GRHL2: variants seen among roughly 807,000 people sequenced by gnomAD.
The protein encoded by GRHL2 is grainyhead-like protein 2 homolog.
In GRHL2, 21 loss-of-function variants were observed where a neutral mutation model predicts 83.8. The observed-to-expected ratio is 0.25, with a 90% CI of 0.18 to 0.36. The LOEUF (loss-of-function observed/expected upper bound fraction) is 0.36, where lower values mean the gene tolerates loss of function less well. GRHL2 is among the 10% of genes least tolerant of loss of function. The pLI is 1.00. For synonymous variants in GRHL2, 280 were observed against 278.9 expected, an observed-to-expected ratio of 1.00 and a Z score of -0.04; for missense variants, 623 against 781.8, an observed-to-expected ratio of 0.80 and a Z score of 2.42.
chr8:101,546,854 A>T (rs1485025225), intron 2 of GRHL2, among the ~76,000 whole-genome samples: 6 of 152,208 alleles, frequency 3.9e-5, no homozygotes. Flanking sequence ...CATTTAAAGG[A>T]AAGTTGAAAT....
intron 8 of GRHL2, among the ~76,000 whole-genome samples, chr8:101,614,510 C>T (rs990720722): frequency 1.4e-5 from 2 of 143,060 alleles, no homozygotes; most frequent in Non-Finnish European, 3.0e-5. Flanking sequence ...AGATTGTTCA[C>T]GGCATTTATA....
At chr8:101,512,092 T>A (rs1210416571) in intron 1 of GRHL2, among the ~76,000 whole-genome samples, 1 of 152,188 alleles carries the variant, frequency 6.6e-6, no homozygotes, top group African/African-American at 2.4e-5. Flanking sequence ...TGTTTTAATA[T>A]CTGGAAATGT....
intron 1 of GRHL2, among the ~76,000 whole-genome samples, chr8:101,539,956 A>G (rs533805445): frequency 6.6e-6 from 1 of 152,320 alleles, no homozygotes; most frequent in Admixed American, 6.5e-5. Flanking sequence ...GGTAAAGAAC[A>G]TTATGTCACG....
chr8:101,671,102 C>T (rs1267249336), downstream of GRHL2, among the ~76,000 whole-genome samples: 1 of 152,144 alleles, frequency 6.6e-6, no homozygotes, highest in Non-Finnish European at 1.5e-5. Flanking sequence ...GCAATGCAGA[C>T]GACGGTTGAT....
At position 101,509,145 on chromosome 8, in the gene GRHL2, C is replaced by A. The variant is rs369487274; in HGVS notation, c.20+16356C>A. On this transcript the variant is annotated intron_variant, in intron 1 of 15. Coordinates refer to ENST00000646743, the MANE Select transcript of GRHL2 (RefSeq NM_024915.4). ...TCCTTCCTTCCTTCCTTCCTTCCTT[C>A]CTTCCTTCCTTCCTTTCTTTCTTTC... 8.6e-5 allele frequency among the ~76,000 whole-genome samples: 3 copies of A among 34,946 alleles called. 1 individual carries two copies. The highest frequency in any genetic ancestry group is 6.5e-4 in the Admixed American group (3 of 4,632). 22.9% of individuals were successfully genotyped at this position (34,946 alleles called of 152,430 possible).
chr8:101,624,466 C>T (rs962316656), intron 9 of GRHL2, among the ~76,000 whole-genome samples: 9 of 151,882 alleles, frequency 5.9e-5, no homozygotes, highest in Admixed American at 5.9e-4. Flanking sequence ...CACAGTAGGA[C>T]AGTACACAGT....
intron 8 of GRHL2, among the ~76,000 whole-genome samples, chr8:101,611,056 C>T (rs1306526640): frequency 6.6e-6 from 1 of 150,874 alleles, no homozygotes; most frequent in African/African-American, 2.5e-5. Flanking sequence ...CTGGGAACTT[C>T]CTTGTCCTTG....
intron 7 of GRHL2, among the ~76,000 whole-genome samples, chr8:101,587,045 T>A (rs1186960154): frequency 6.6e-6 from 1 of 152,212 alleles, no homozygotes; most frequent in East Asian, 1.9e-4. Flanking sequence ...TAAACTTAAC[T>A]AGAAATTATT....
At chr8:101,571,775 T>C (rs1341234059) in intron 5 of GRHL2, among the ~76,000 whole-genome samples, 1 of 152,078 alleles carries the variant, frequency 6.6e-6, no homozygotes, top group African/African-American at 2.4e-5. Context: ...CCCCAGATCA[T>C]CTTATTTAGA....
the GRHL2 span, among the ~76,000 whole-genome samples, chr8:101,674,866 A>C: frequency 1.3e-5 from 2 of 152,116 alleles, no homozygotes; most frequent in Admixed American, 6.6e-5. Context: ...CACCATGATC[A>C]AGTGGGCTTC....
At chr8:101,646,771 T>C (rs1489060811) in intron 13 of GRHL2, among the ~76,000 whole-genome samples, 2 of 152,304 alleles carry the variant, frequency 1.3e-5, no homozygotes, top group Admixed American at 1.3e-4. Context: ...CTGGGATGCA[T>C]GATGGTTGTT....
the GRHL2 span, among the ~76,000 whole-genome samples, chr8:101,679,950 G>A: frequency 0.053 from 6,017 of 113,540 alleles, 188 homozygotes; most frequent in South Asian, 0.12. Flanking sequence ...AGGAACAACC[G>A]GTACCAGCCG....
chr8:101,527,037 A>G (rs1177193588), intron 1 of GRHL2, among the ~76,000 whole-genome samples: 2 of 152,196 alleles, frequency 1.3e-5, no homozygotes, highest in African/African-American at 4.8e-5. Flanking sequence ...AGAAGCTTGA[A>G]CTTTTGCCCA....
intron 14 of GRHL2, among the ~76,000 whole-genome samples, chr8:101,653,498 A>G (rs937248414): frequency 6.6e-6 from 1 of 152,118 alleles, no homozygotes; most frequent in Admixed American, 6.6e-5. Context: ...CACCTGGGGT[A>G]CCTTTCAAAG....
intron 8 of GRHL2, among the ~76,000 whole-genome samples, chr8:101,611,841 A>G (rs1397906374): frequency 2.0e-5 from 3 of 150,762 alleles, no homozygotes; most frequent in African/African-American, 7.5e-5. Flanking sequence ...CACCTTCCAG[A>G]TATAAACCCT....
At chr8:101,623,534 C>T (rs1813006140) in intron 9 of GRHL2, among the ~76,000 whole-genome samples, 1 of 144,800 alleles carries the variant, frequency 6.9e-6, no homozygotes, top group African/African-American at 2.9e-5. Context: ...GGACAGTTCA[C>T]AGTAAGACAG....
At chr8:101,515,981 G>C (rs948280323) in intron 1 of GRHL2, among the ~76,000 whole-genome samples, 1 of 152,210 alleles carries the variant, frequency 6.6e-6, no homozygotes, top group Non-Finnish European at 1.5e-5. Flanking sequence ...GGTTGGCTCA[G>C]TAGCTTGTCA....
intron 15 of GRHL2, 52 bp from the exon 16 acceptor site, chr8:101,666,537 C>T: frequency 9.4e-7 from 1 of 1,059,770 alleles, no homozygotes; most frequent in Non-Finnish European, 1.5e-6. Context: ...TTGCCCTGGG[C>T]ACATTGTTCA....
At chr8:101,558,273 T>C (rs1811528188) in intron 3 of GRHL2, 146 bp from the exon 4 acceptor site, 1 of 874,930 alleles carries the variant, frequency 1.1e-6, no homozygotes, top group East Asian at 2.6e-5. Context: ...AGGATCCCAT[T>C]GCGTTTCGTT....
Sources: allele counts gnomAD v4.1 joint callset (sites outside exome capture counted in the v4.1 genomes callset), GRCh38; gene constraint gnomAD v4.1.1; transcripts MANE v1.5; gene names NCBI Gene and HGNC (gene_info 2026-07-23, HGNC 2026-07-21).